Variants in VTCN1 observed in about 807,000 individuals in gnomAD.
The protein encoded by VTCN1 is V-set domain-containing T-cell activation inhibitor 1.
Under a neutral mutation model 26.5 loss-of-function variants are expected in VTCN1, and 26 were observed. That is an observed-to-expected ratio of 0.98 (90% CI 0.72 to 1.36). The LOEUF (loss-of-function observed/expected upper bound fraction) is 1.36, where lower values mean the gene tolerates loss of function less well. Ranked by LOEUF, VTCN1 falls within the 40% of genes most tolerant of loss-of-function variation. VTCN1 has a pLI of 0.00. For missense variants in VTCN1, 298 were observed against 337.7 expected (o/e 0.88, Z 0.92); for synonymous variants, 116 against 130.7 (o/e 0.89, Z 0.77).
At chr1:117,163,804 C>A (rs994267200) in intron 2 of VTCN1, among the ~76,000 whole-genome samples, 47 of 152,110 alleles carry the variant, frequency 3.1e-4, no homozygotes, top group African/African-American at 1.1e-3. Context: ...ACTTAAAAAT[C>A]AAAACAACTA....
In VTCN1 at chr1:117,144,563, C is replaced by T. The variant is rs554352072; in HGVS notation, c.*708G>A. The T allele has an allele frequency of 2.6e-5, 4 of 152,214 alleles. No homozygotes were observed. Among genetic ancestry groups the T allele is most frequent in the Non-Finnish European group, 4.4e-5 (3 of 68,006 alleles). 9.4% of individuals were successfully genotyped at this position (152,214 alleles called of 1,614,324 possible). A position where few individuals can be genotyped will look rare whatever the true frequency, so the allele number is the denominator to read the frequency against. ...ATGAACATCATCTGAGAAATAAACC[C>T]GCATTTGTTTGTTTAAAAAGAAGGT... On this transcript the variant is annotated 3_prime_UTR_variant, in exon 6 of 6. Transcript: ENST00000369458.
intron 1 of VTCN1, among the ~76,000 whole-genome samples, chr1:117,200,343 G>A (rs181621951): frequency 1.5e-4 from 23 of 152,280 alleles, no homozygotes; most frequent in African/African-American, 3.9e-4. Flanking sequence ...AGGCTACAAT[G>A]AGCCATGATC....
rs779458933 is a variant in VTCN1 at position 117,156,811 on chromosome 1, G to A, written c.208C>T (p.Gln70Ter). The change falls in exon 3 of 6, where the codon CAA becomes TAA. Residue 70 changes from glutamine to a stop codon, truncating the protein, a stop_gained. Transcript: ENST00000369458. LOFTEE classifies it high-confidence loss of function. ...CCTAAAACACCTTCCTTCAGCCATT[G>A]TATCACGATATCAGAAAGTTTGATG... ...PDIKLSDIVI[Q>*]WLKEGVLGLV... is the part of the protein sequence containing the mutation. 1.2e-6 allele frequency: 2 copies of A among 1,614,064 alleles called. No individual in the cohort carries two copies. The highest frequency in any genetic ancestry group is 1.6e-4 in the Middle Eastern group (1 of 6,062).
Position 117,167,258 on chromosome 1 carries a change from G to A in VTCN1, c.97+2849C>T, listed in dbSNP as rs1652667219. On this transcript the variant is annotated intron_variant, in intron 2 of 5. Coordinates refer to ENST00000369458, the MANE Select transcript of VTCN1 (RefSeq NM_024626.4). The surrounding 1 kb of genome is among the most constrained non-coding windows in gnomAD (Gnocchi z 4.1). ...ACACATCATAACTGTACAGCTTGAA[G>A]AATGATTATAACTTTATTCCATGTA... is the stretch of plus-strand genomic sequence containing the variant. 1.3e-5 allele frequency among the ~76,000 whole-genome samples: 2 copies of A among 152,012 alleles called. No homozygotes were observed. The highest frequency in any genetic ancestry group is 3.9e-4 in the East Asian group (2 of 5,194).
intron 1 of VTCN1, chr1:117,173,070 C>T (rs546695679): frequency 1.3e-5 from 9 of 691,738 alleles, no homozygotes; most frequent in South Asian, 3.1e-5. Context: ...TAACACTTAC[C>T]GTGAAGGACC....
chr1:117,166,666 A>G (rs901202589), intron 2 of VTCN1, among the ~76,000 whole-genome samples: 5 of 148,986 alleles, frequency 3.4e-5, no homozygotes, highest in South Asian at 2.1e-4. Flanking sequence ...AAAAAAAAAA[A>G]AAAGAAAGAA....
At chr1:117,206,242 G>A (rs751774001) in intron 1 of VTCN1, among the ~76,000 whole-genome samples, 2 of 151,874 alleles carry the variant, frequency 1.3e-5, no homozygotes, top group African/African-American at 2.4e-5. Context: ...GATCCCTGGG[G>A]CAATTAATCC....
intron 1 of VTCN1, among the ~76,000 whole-genome samples, chr1:117,208,645 G>A (rs1389077599): frequency 6.6e-6 from 1 of 152,188 alleles, no homozygotes; most frequent in Non-Finnish European, 1.5e-5. Flanking sequence ...TTCTGCAAAT[G>A]TTTCATGAGC....
intron 2 of VTCN1, among the ~76,000 whole-genome samples, chr1:117,162,072 G>A (rs565698205): frequency 6.6e-6 from 1 of 152,232 alleles, no homozygotes; most frequent in African/African-American, 2.4e-5. Flanking sequence ...GAATGCCCTA[G>A]GGACCTGCTG....
At chr1:117,185,706 G>T (rs1468605668) in intron 1 of VTCN1, among the ~76,000 whole-genome samples, 1 of 152,156 alleles carries the variant, frequency 6.6e-6, no homozygotes, top group Non-Finnish European at 1.5e-5. Context: ...TCATCTGCGT[G>T]ATAAAATCTT....
At chr1:117,173,046 A>T (rs1395143515) in intron 1 of VTCN1, 2 of 652,878 alleles carry the variant, frequency 3.1e-6, no homozygotes, top group Non-Finnish European at 5.7e-6. Context: ...GGTCTGCACT[A>T]CCTTTATGAG....
chr1:117,164,354 A>G (rs1652503458), intron 2 of VTCN1, among the ~76,000 whole-genome samples: 1 of 149,248 alleles, frequency 6.7e-6, no homozygotes, highest in African/African-American at 2.5e-5. Flanking sequence ...CAGTTCTGGC[A>G]GGGGGGTGGG....
chr1:117,208,331 C>A (rs1334054474), intron 1 of VTCN1, among the ~76,000 whole-genome samples: 1 of 152,158 alleles, frequency 6.6e-6, no homozygotes, highest in African/African-American at 2.4e-5. Flanking sequence ...GTCATATGAA[C>A]TCATTTTTCA....
At chr1:117,177,759 G>A (rs1298902001) in intron 1 of VTCN1, among the ~76,000 whole-genome samples, 2 of 151,816 alleles carry the variant, frequency 1.3e-5, no homozygotes, top group East Asian at 3.9e-4. Flanking sequence ...TCCCAACACT[G>A]TAAAACTAGG....
At chr1:117,207,909 G>T (rs933796739) in intron 1 of VTCN1, among the ~76,000 whole-genome samples, 1 of 152,034 alleles carries the variant, frequency 6.6e-6, no homozygotes, top group Non-Finnish European at 1.5e-5. Context: ...TCTATGCCAG[G>T]TCCCTGTCAT....
At chr1:117,197,160 C>T (rs772697974) in intron 1 of VTCN1, among the ~76,000 whole-genome samples, 9 of 152,090 alleles carry the variant, frequency 5.9e-5, no homozygotes, top group Non-Finnish European at 8.8e-5. Flanking sequence ...ATGTTGGGGT[C>T]AGTATTAGTG....
chr1:117,162,183 A>G (rs1027339158), intron 2 of VTCN1, among the ~76,000 whole-genome samples: 1 of 152,196 alleles, frequency 6.6e-6, no homozygotes, highest in Non-Finnish European at 1.5e-5. Flanking sequence ...AAGAAGAGAA[A>G]TAAGAGCCAG....
intron 1 of VTCN1, among the ~76,000 whole-genome samples, chr1:117,180,828 C>A (rs1332842715): frequency 2.0e-5 from 3 of 152,234 alleles, no homozygotes; most frequent in Non-Finnish European, 4.4e-5. Context: ...TCCTCCAGCC[C>A]AGCCATAGAT....
intron 1 of VTCN1, among the ~76,000 whole-genome samples, chr1:117,208,124 A>G (rs1649188345): frequency 6.6e-6 from 1 of 152,184 alleles, no homozygotes; most frequent in Non-Finnish European, 1.5e-5. Context: ...TTCTGAGTCT[A>G]TCGAAGGCCC....
Sources: allele counts gnomAD v4.1 joint callset (sites outside exome capture counted in the v4.1 genomes callset), GRCh38; gene constraint gnomAD v4.1.1; non-coding constraint Gnocchi (gnomAD v3.1); transcripts MANE v1.5; gene names NCBI Gene and HGNC (gene_info 2026-07-23, HGNC 2026-07-21).